Variants in RGS7 observed in about 807,000 individuals in gnomAD.
The protein encoded by RGS7 is regulator of G-protein signaling 7.
Under a neutral mutation model 81.1 loss-of-function variants are expected in RGS7, and 27 were observed. The observed-to-expected ratio is 0.33, with a 90% CI of 0.25 to 0.46. The LOEUF is 0.46. RGS7 is among the 20% of genes least tolerant of loss of function. The probability of loss-of-function intolerance (pLI) is 1.00; values close to 1 mark genes in which losing one functional copy is unlikely to be tolerated. For missense variants in RGS7, 396 were observed against 607.4 expected (o/e 0.65, Z 3.66); for synonymous variants, 208 against 207.7 (o/e 1.00, Z -0.01).
chr1:241,235,626 CT>C (rs2075899918), intron 2 of RGS7, among the ~76,000 whole-genome samples: 15 of 131,464 alleles, frequency 1.1e-4, no homozygotes, highest in Admixed American at 7.8e-4. Flanking sequence ...TTTCCCTTTT[CT>C]CTCTTTTTTC....
At chr1:241,255,681 A>G (rs61553648) in intron 2 of RGS7, among the ~76,000 whole-genome samples, 20,291 of 152,186 alleles carry the variant, frequency 0.13, 1,471 homozygotes, top group Middle Eastern at 0.18. Context: ...ATAAATGTGG[A>G]GAGAATTCTG....
At chr1:240,873,908 ATTC>A (rs1664913740) in intron 6 of RGS7, among the ~76,000 whole-genome samples, 1 of 151,990 alleles carries the variant, frequency 6.6e-6, no homozygotes, top group Non-Finnish European at 1.5e-5. Context: ...TTTGTGGCTA[ATTC>A]TTCTCTTGTT....
chr1:240,933,052 T>A (rs1572839900), intron 5 of RGS7, among the ~76,000 whole-genome samples: 1 of 133,634 alleles, frequency 7.5e-6, no homozygotes, highest in African/African-American at 3.0e-5. Context: ...CCGGCTAATT[T>A]TTTGTATTTT....
intron 2 of RGS7, among the ~76,000 whole-genome samples, chr1:241,227,746 T>TTACTCCTAGGTAACACACCAA (rs60545154): frequency 1.3e-5 from 2 of 151,630 alleles, no homozygotes; most frequent in Admixed American, 6.6e-5. Flanking sequence ...AGACCTTGTG[T>TTACTCCTAGGTAACACACCAA]CACCTCCAGA....
At chr1:240,778,703 T>C in intron 18 of RGS7, among the ~76,000 whole-genome samples, 1 of 152,222 alleles carries the variant, frequency 6.6e-6, no homozygotes, top group African/African-American at 2.4e-5. Context: ...TGGCTAATTT[T>C]TGTTATTTTT....
At chr1:241,166,373 T>C (rs886745126) in intron 2 of RGS7, among the ~76,000 whole-genome samples, 6 of 152,046 alleles carry the variant, frequency 3.9e-5, no homozygotes, top group Admixed American at 1.3e-4. Flanking sequence ...TGTAATAAGA[T>C]AAGATTGAAT....
intron 18 of RGS7, among the ~76,000 whole-genome samples, chr1:240,791,362 T>C (rs1345125532): frequency 6.6e-6 from 1 of 152,228 alleles, no homozygotes; most frequent in Non-Finnish European, 1.5e-5. Context: ...TGGGCTTGTG[T>C]ACAGTATCAG....
chr1:241,009,791 C>T (rs1164680734), intron 3 of RGS7, among the ~76,000 whole-genome samples: 3 of 152,112 alleles, frequency 2.0e-5, no homozygotes, highest in Non-Finnish European at 2.9e-5. Flanking sequence ...GAGGGACAAA[C>T]TAGAAAGTGG....
intron 14 of RGS7, among the ~76,000 whole-genome samples, chr1:240,806,537 A>T (rs567026458): frequency 7.4e-5 from 11 of 148,968 alleles, no homozygotes; most frequent in African/African-American, 2.7e-4. Context: ...AAAATATAAA[A>T]ATATTAATAA....
intron 4 of RGS7, among the ~76,000 whole-genome samples, chr1:240,955,443 T>C (rs749971644): frequency 6.6e-5 from 10 of 151,780 alleles, no homozygotes; most frequent in Non-Finnish European, 1.0e-4. Flanking sequence ...TCTCAGCTAC[T>C]TGGGAGTCTG....
chr1:241,223,273 A>C (rs898155187), intron 2 of RGS7, among the ~76,000 whole-genome samples: 5 of 152,202 alleles, frequency 3.3e-5, no homozygotes, highest in Non-Finnish European at 5.9e-5. Context: ...TCAGTAGCTT[A>C]ACACAATGGA....
intron 18 of RGS7, among the ~76,000 whole-genome samples, chr1:240,794,741 G>A (rs945070075): frequency 6.6e-6 from 1 of 152,138 alleles, no homozygotes; most frequent in Non-Finnish European, 1.5e-5. Context: ...TCCATAGCTG[G>A]GCTGGGGCTG....
At chr1:241,052,197 T>C (rs1454199074) in intron 3 of RGS7, among the ~76,000 whole-genome samples, 1 of 152,106 alleles carries the variant, frequency 6.6e-6, no homozygotes, top group Admixed American at 6.6e-5. Context: ...CTTCAGAACC[T>C]CAGCTTCCTG....
chr1:241,084,406 T>C (rs1173652275), intron 3 of RGS7, among the ~76,000 whole-genome samples: 1 of 152,182 alleles, frequency 6.6e-6, no homozygotes, highest in East Asian at 1.9e-4. Flanking sequence ...CTTCCATATT[T>C]AATGATATTA....
Position 240,814,424 on chromosome 1 carries a change from C to A in RGS7, c.845+292G>T, listed in dbSNP as rs377050944. On this transcript the variant is annotated intron_variant, in intron 12 of 18. Transcript: ENST00000440928. ...AAATGGAAAGTTTCATGTCTTCCAG[C>A]AGGAGTGAAAAGGCTAGACTCTGCA... Among the ~76,000 whole-genome samples, 23 of 152,302 alleles carry A rather than the reference C, an allele frequency of 1.5e-4. 2 individuals carry two copies. The highest frequency in any genetic ancestry group is 5.8e-4 in the East Asian group (3 of 5,184).
intron 2 of RGS7, among the ~76,000 whole-genome samples, chr1:241,341,717 G>C (rs553874025): frequency 1.4e-4 from 21 of 152,176 alleles, no homozygotes; most frequent in African/African-American, 4.8e-4. Context: ...AATCACCATA[G>C]CAACTCTAAG....
At chr1:241,327,712 TAATC>T (rs752402254) in intron 2 of RGS7, among the ~76,000 whole-genome samples, 2 of 152,186 alleles carry the variant, frequency 1.3e-5, no homozygotes, top group Non-Finnish European at 2.9e-5. Context: ...AAGTTAGAAA[TAATC>T]AAGAATAAAC....
chr1:240,920,240 T>C (rs1398022453), intron 6 of RGS7: 1 of 1,225,008 alleles, frequency 8.2e-7, no homozygotes, highest in East Asian at 2.3e-5. Context: ...GAGGTCGAAG[T>C]GGTTCTGGAA....
intron 11 of RGS7, among the ~76,000 whole-genome samples, chr1:240,815,120 T>G (rs1054129727): frequency 6.6e-6 from 1 of 152,168 alleles, no homozygotes; most frequent in African/African-American, 2.4e-5. Flanking sequence ...GGTGGATCAC[T>G]TGAGCCCAGG....
Sources: allele counts gnomAD v4.1 joint callset (sites outside exome capture counted in the v4.1 genomes callset), GRCh38; gene constraint gnomAD v4.1.1; transcripts MANE v1.5; gene names NCBI Gene and HGNC (gene_info 2026-07-23, HGNC 2026-07-21).